CAP2: variants seen among roughly 807,000 people sequenced by gnomAD.
CAP2 encodes cyclase associated actin cytoskeleton regulatory protein 2.
A neutral mutation model predicts 57.7 loss-of-function variants in CAP2; 24 were observed. That is an observed-to-expected ratio of 0.42 (90% CI 0.30 to 0.58). CAP2 has a LOEUF of 0.58. Among genes scored for constraint, CAP2 ranks in the 20% least tolerant of loss-of-function variants. The pLI is 0.22. For missense variants in CAP2, 501 were observed against 590.3 expected, an observed-to-expected ratio of 0.85 and a Z score of 1.57; for synonymous variants, 194 against 207.2, an observed-to-expected ratio of 0.94 and a Z score of 0.55.
At chr6:17,403,394 C>T (rs1228780344) in intron 1 of CAP2, among the ~76,000 whole-genome samples, 2 of 152,262 alleles carry the variant, frequency 1.3e-5, no homozygotes, top group African/African-American at 2.4e-5. Context: ...TGAGCCACAG[C>T]GCCCAGCCAC....
intron 1 of CAP2, among the ~76,000 whole-genome samples, chr6:17,399,992 C>G (rs954807680): frequency 6.6e-6 from 1 of 151,748 alleles, no homozygotes; most frequent in Admixed American, 6.6e-5. Flanking sequence ...GAGGCCAAGG[C>G]GGGTGATCAC....
intron 4 of CAP2, among the ~76,000 whole-genome samples, chr6:17,483,139 G>A (rs1358902107): frequency 6.6e-6 from 1 of 152,092 alleles, no homozygotes; most frequent in Non-Finnish European, 1.5e-5. Flanking sequence ...TAGGAGTCAG[G>A]CTGCCAGTTG....
chr6:17,506,617 G>A (rs1761991749), intron 4 of CAP2, among the ~76,000 whole-genome samples: 2 of 149,312 alleles, frequency 1.3e-5, no homozygotes, highest in African/African-American at 4.9e-5. Context: ...TCCAGCCTGG[G>A]ACAGAGTGAG....
intron 12 of CAP2, among the ~76,000 whole-genome samples, chr6:17,552,314 G>T (rs778768639): frequency 2.0e-5 from 3 of 152,156 alleles, no homozygotes; most frequent in Non-Finnish European, 4.4e-5. Context: ...GGTTCATGAA[G>T]TGTGATGGAT....
intron 6 of CAP2, among the ~76,000 whole-genome samples, chr6:17,508,948 G>A (rs1430025507): frequency 6.6e-6 from 1 of 151,948 alleles, no homozygotes; most frequent in Non-Finnish European, 1.5e-5. Flanking sequence ...AGTAGAGACG[G>A]AGTTTCACCA....
intron 3 of CAP2, among the ~76,000 whole-genome samples, chr6:17,439,515 C>A (rs775120247): frequency 6.6e-6 from 1 of 151,276 alleles, no homozygotes; most frequent in Non-Finnish European, 1.5e-5. Context: ...TTTCTGTGGA[C>A]CGGGGAGAGG....
chr6:17,521,720 C>G (rs370945107), intron 7 of CAP2, among the ~76,000 whole-genome samples: 2 of 152,124 alleles, frequency 1.3e-5, no homozygotes, highest in East Asian at 3.9e-4. Flanking sequence ...CAAGGCATGA[C>G]GCTTGCATAG....
At chr6:17,478,228 A>G (rs1761201475) in intron 4 of CAP2, among the ~76,000 whole-genome samples, 2 of 150,216 alleles carry the variant, frequency 1.3e-5, no homozygotes, top group African/African-American at 4.9e-5. Flanking sequence ...ACCGCCTCCC[A>G]GGCTCAAATG....
chr6:17,446,734 G>A (rs1197290016), intron 3 of CAP2, among the ~76,000 whole-genome samples: 1 of 152,200 alleles, frequency 6.6e-6, no homozygotes, highest in Non-Finnish European at 1.5e-5. Context: ...AGGAATATTT[G>A]GTGCTAGAAT....
intron 7 of CAP2, among the ~76,000 whole-genome samples, chr6:17,517,875 T>A (rs1220447924): frequency 6.6e-6 from 1 of 152,162 alleles, no homozygotes. Flanking sequence ...CCCTTCAGCC[T>A]GGGCAACAAG....
At chr6:17,443,909 T>C (rs1298676752) in intron 3 of CAP2, among the ~76,000 whole-genome samples, 5 of 152,234 alleles carry the variant, frequency 3.3e-5, no homozygotes, top group Admixed American at 3.3e-4. Flanking sequence ...GTCTTTTTCA[T>C]GTATCAAATA....
At chr6:17,426,541 A>G in intron 2 of CAP2, 49 bp from the exon 3 acceptor site, 1 of 1,395,288 alleles carries the variant, frequency 7.2e-7, no homozygotes, top group Non-Finnish European at 1.0e-6. Flanking sequence ...GGCTAGTCCC[A>G]GGTTTTCATT....
rs947870887 is a variant in CAP2 at position 17,472,608 on chromosome 6, C to G, written c.300+9535C>G. 2.6e-5 allele frequency among the ~76,000 whole-genome samples: 4 copies of G among 152,152 alleles called. No individual in the cohort carries two copies. In the East Asian group the frequency reaches 7.7e-4, roughly 29 times the overall value. ...AAGGCTTTTTTCCTTTTCCTATGAG[C>G]CTTCCAATGGCAAGAGAATTACCTT... On this transcript the variant is annotated intron_variant, in intron 4 of 12. Coordinates refer to ENST00000229922, the MANE Select transcript of CAP2 (RefSeq NM_006366.3).
At chr6:17,486,118 G>A (rs1761413149) in intron 4 of CAP2, among the ~76,000 whole-genome samples, 1 of 152,108 alleles carries the variant, frequency 6.6e-6, no homozygotes, top group Admixed American at 6.6e-5. Flanking sequence ...GCTGAGGTCG[G>A]AGGACCCCTT....
intron 3 of CAP2, among the ~76,000 whole-genome samples, chr6:17,438,345 G>T (rs79115248): frequency 1.2e-5 from 1 of 82,420 alleles, no homozygotes; most frequent in Admixed American, 1.0e-4. Flanking sequence ...CAACCTGGGC[G>T]AAAGAACGAG....
At chr6:17,526,956 CAAAAAAAAA>C (rs1221212193) in intron 7 of CAP2, among the ~76,000 whole-genome samples, 46 of 80,102 alleles carry the variant, frequency 5.7e-4, no homozygotes, top group South Asian at 1.0e-3. Flanking sequence ...GACTCTGTCT[CAAAAAAAAA>C]AAAAAAAAAA....
intron 7 of CAP2, among the ~76,000 whole-genome samples, chr6:17,529,651 A>AAAAAATAT (rs10656588): frequency 2.6e-3 from 343 of 134,472 alleles, no homozygotes; most frequent in African/African-American, 3.8e-3. Flanking sequence ...AAAAAAAAAA[A>AAAAAATAT]ATATATATAT....
At chr6:17,515,086 A>G (rs1762244488) in intron 7 of CAP2, among the ~76,000 whole-genome samples, 1 of 151,318 alleles carries the variant, frequency 6.6e-6, no homozygotes, top group Admixed American at 6.6e-5. Context: ...AATCCCAGCT[A>G]CTCAGGAGGC....
intron 1 of CAP2, among the ~76,000 whole-genome samples, chr6:17,405,592 A>T (rs1395857894): frequency 6.6e-6 from 1 of 151,948 alleles, no homozygotes; most frequent in East Asian, 1.9e-4. Flanking sequence ...GGGTAACTGA[A>T]ACTACAGAAA....
Sources: allele counts gnomAD v4.1 joint callset (sites outside exome capture counted in the v4.1 genomes callset), GRCh38; gene constraint gnomAD v4.1.1; transcripts MANE v1.5; gene names NCBI Gene and HGNC (gene_info 2026-07-23, HGNC 2026-07-21).